Variants in CAGE1 observed in about 807,000 individuals in gnomAD.
CAGE1 encodes the protein cancer antigen 1, also known as cancer-associated gene 1 protein.
CAGE1 carries 66 observed loss-of-function variants against 94.9 expected under a neutral mutation model. The observed-to-expected ratio is 0.70, with a 90% CI of 0.57 to 0.85. The LOEUF (loss-of-function observed/expected upper bound fraction) is 0.85. Among genes scored for constraint, CAGE1 ranks in the 40% least tolerant of loss-of-function variants. CAGE1 has a pLI of 0.00. For missense variants in CAGE1, 865 were observed against 950.4 expected (o/e 0.91, Z 1.18); for synonymous variants, 319 against 321.0 (o/e 0.99, Z 0.07).
At chr6:7,335,147 A>G (rs545129980) in intron 11 of CAGE1, among the ~76,000 whole-genome samples, 1 of 152,268 alleles carries the variant, frequency 6.6e-6, no homozygotes, top group African/African-American at 2.4e-5. Context: ...TTCTGTCATC[A>G]AATCTCTCTC....
At chr6:7,338,807 G>T in intron 11 of CAGE1, 6 of 885,344 alleles carry the variant, frequency 6.8e-6, no homozygotes, top group Non-Finnish European at 1.1e-5. Flanking sequence ...GCAACATCCA[G>T]ACTCCAGAAT....
chr6:7,385,997 T>C (rs1761109326), intron 2 of CAGE1, 125 bp from the exon 3 acceptor site: 2 of 502,180 alleles, frequency 4.0e-6, no homozygotes, highest in Non-Finnish European at 6.8e-6. Context: ...ATGTGCTTTC[T>C]AGTATCTTTC....
chr6:7,343,279 G>C (rs918769099), intron 11 of CAGE1, among the ~76,000 whole-genome samples: 6 of 152,038 alleles, frequency 3.9e-5, no homozygotes, highest in African/African-American at 1.4e-4. Context: ...TACTAATGTT[G>C]TTTTTACTAT....
At chr6:7,347,515 T>TGGGGG (rs1561853738) in intron 11 of CAGE1, 6 of 15,350 alleles carry the variant, frequency 3.9e-4, no homozygotes, top group Admixed American at 1.2e-3. Flanking sequence ...GGGGGGGGGG[T>TGGGGG]TGGGGGGGGC....
chr6:7,369,779 A>G lies in CAGE1; in HGVS notation c.1893+140T>C, dbSNP rs568191442. The G allele has an allele frequency of 1.5e-5, 11 of 724,096 alleles. No individual in the cohort carries two copies. The Middle Eastern group carries it at 1.2e-3, about 81-fold the overall frequency. 44.9% of individuals were successfully genotyped at this position (724,096 alleles called of 1,614,324 possible). On this transcript the variant is annotated intron_variant, in intron 6 of 13. Coordinates refer to ENST00000502583, the MANE Select transcript of CAGE1 (RefSeq NM_001170692.2). ...CATGGGGCGAAGAAGGGTTGGATGG[A>G]TGGCTTAGGGGTCTGTATTTTATCT...
chr6:7,366,015 G>A, intron 7 of CAGE1, 131 bp from the exon 8 acceptor site: 1 of 563,300 alleles, frequency 1.8e-6, no homozygotes, highest in South Asian at 2.3e-5. Flanking sequence ...GGATGCTGAG[G>A]CGGGTGGATC....
chr6:7,334,128 G>A, intron 11 of CAGE1, 38 bp from the exon 12 acceptor site: 1 of 1,225,174 alleles, frequency 8.2e-7, no homozygotes. Flanking sequence ...GACTAAAATG[G>A]ACTTTTCTAG....
At chr6:7,373,051 G>A in intron 5 of CAGE1, 22 bp downstream of exon 5, 1 of 1,522,408 alleles carries the variant, frequency 6.6e-7, no homozygotes, top group Non-Finnish European at 8.9e-7. Flanking sequence ...CCGCATTAGA[G>A]ATTTAGAATG....
chr6:7,349,031 G>A (rs561863492), intron 11 of CAGE1, among the ~76,000 whole-genome samples: 9 of 152,250 alleles, frequency 5.9e-5, no homozygotes, highest in African/African-American at 9.6e-5. Context: ...GCAAGAGACC[G>A]CAACATCCAA....
At chr6:7,351,553 G>A (rs143537818) in intron 11 of CAGE1, among the ~76,000 whole-genome samples, 2 of 70,028 alleles carry the variant, frequency 2.9e-5, no homozygotes, top group African/African-American at 1.5e-4. Context: ...AATAAAATAA[G>A]ATCACAGCAT....
Position 7,373,476 on chromosome 6 carries a change from T to C in CAGE1, c.1343A>G (p.Lys448Arg). Residue 448 changes from lysine (K) to arginine (R), a missense_variant, in exon 5 of 14, where the codon AAA (lysine) becomes AGA (arginine). Transcript: ENST00000502583. ...TTGTAGTCTCTCTACCTCTTCTTCT[T>C]TCTTGCTTAAGGTTTTGTCCATCTC... ...YLEMDKTLSK[K>R]EEEVERLQQL... 6.2e-7 allele frequency: 1 copy of C among 1,613,928 alleles called. No homozygotes were observed. The highest frequency in any genetic ancestry group is 8.5e-7 in the Non-Finnish European group (1 of 1,179,864).
intron 7 of CAGE1, among the ~76,000 whole-genome samples, chr6:7,367,386 G>A (rs73365458): frequency 0.018 from 2,647 of 150,584 alleles, 80 homozygotes; most frequent in African/African-American, 0.061. Flanking sequence ...GGTGATCCTC[G>A]CACCTCAGCC....
At chr6:7,377,210 T>C (rs1462557702) in intron 4 of CAGE1, among the ~76,000 whole-genome samples, 1 of 152,214 alleles carries the variant, frequency 6.6e-6, no homozygotes, top group African/African-American at 2.4e-5. Context: ...ACCTGCCATG[T>C]AATAGATGCC....
At chr6:7,345,341 A>C (rs556302078) in intron 11 of CAGE1, among the ~76,000 whole-genome samples, 11 of 147,914 alleles carry the variant, frequency 7.4e-5, no homozygotes, top group Non-Finnish European at 4.5e-5. Context: ...ACCCAGCAGG[A>C]TGAAAGAAAC....
At chr6:7,351,066 A>T (rs1425200768) in intron 11 of CAGE1, among the ~76,000 whole-genome samples, 1 of 152,210 alleles carries the variant, frequency 6.6e-6, no homozygotes, top group Non-Finnish European at 1.5e-5. Context: ...AGACTAACCA[A>T]GAAAAGGAGA....
intron 11 of CAGE1, among the ~76,000 whole-genome samples, chr6:7,343,202 AG>A (rs765797535): frequency 0.036 from 3,323 of 93,272 alleles, 70 homozygotes; most frequent in African/African-American, 0.071. Context: ...AAAAAAAAAA[AG>A]AAAAGAAAAG....
intron 10 of CAGE1, among the ~76,000 whole-genome samples, chr6:7,355,574 G>T (rs1231548704): frequency 6.6e-6 from 1 of 152,122 alleles, no homozygotes; most frequent in East Asian, 1.9e-4. Flanking sequence ...GGATAATGGG[G>T]GTGTTTTATA....
At chr6:7,348,538 C>T (rs1759650161) in intron 11 of CAGE1, among the ~76,000 whole-genome samples, 1 of 152,180 alleles carries the variant, frequency 6.6e-6, no homozygotes, top group African/African-American at 2.4e-5. Flanking sequence ...CACACTAGCT[C>T]ACCAGCTATG....
intron 7 of CAGE1, among the ~76,000 whole-genome samples, chr6:7,367,952 A>C (rs968054700): frequency 1.9e-4 from 29 of 152,122 alleles, no homozygotes; most frequent in African/African-American, 6.8e-4. Flanking sequence ...AGAGTACTTG[A>C]GGCCGGGTGC....
Sources: gnomAD v4.1 joint callset for allele counts (sites outside exome capture counted in the v4.1 genomes callset) on GRCh38, gnomAD v4.1.1 for gene constraint, MANE v1.5 for transcripts, NCBI Gene and HGNC (gene_info 2026-07-23, HGNC 2026-07-21) for gene names.